HS3ST3A1: variants seen among roughly 807,000 people sequenced by gnomAD.
HS3ST3A1 encodes heparan sulfate glucosamine 3-O-sulfotransferase 3A1.
Under a neutral mutation model 25.7 loss-of-function variants are expected in HS3ST3A1, and 19 were observed. The observed-to-expected ratio is 0.74, with a 90% confidence interval of 0.52 to 1.08. The LOEUF is 1.08. Among genes scored for constraint, HS3ST3A1 ranks in the 50% least tolerant of loss-of-function variants. The probability of loss-of-function intolerance (pLI) is 0.00; values close to 1 mark genes in which losing one functional copy is unlikely to be tolerated. For missense variants in HS3ST3A1, 459 were observed against 594.3 expected, an observed-to-expected ratio of 0.77 and a Z score of 2.37; for synonymous variants, 226 against 278.6, an observed-to-expected ratio of 0.81 and a Z score of 1.88.
rs112456950 is a variant in HS3ST3A1, at chr17:13,566,799, G to GA, written c.599+33731dup. 2.0e-3 allele frequency among the ~76,000 whole-genome samples: 309 copies of GA among 151,008 alleles called. 1 individual carries two copies. The highest frequency in any genetic ancestry group is 1.5e-3 in the South Asian group (7 of 4,788). On this transcript the variant is annotated intron_variant, in intron 1 of 1. Transcript: ENST00000284110. ...AGGCTGAGAAGGTGAGGAAGTTGCA[G>GA]AAAAAAAAAGTGTGAAGTTAGCAGA...
intron 1 of HS3ST3A1, among the ~76,000 whole-genome samples, chr17:13,522,568 C>T (rs977777612): frequency 6.6e-6 from 1 of 152,038 alleles, no homozygotes; most frequent in Non-Finnish European, 1.5e-5. Context: ...TGCAAAGCTG[C>T]CCAATCTTGC....
intron 1 of HS3ST3A1, among the ~76,000 whole-genome samples, chr17:13,518,228 CA>C (rs35615297): frequency 0.13 from 20,053 of 152,128 alleles, 1,377 homozygotes; most frequent in Middle Eastern, 0.16. Context: ...ACAAGCTTCT[CA>C]AAACAGGAAA....
chr17:13,504,075 G>A (rs1905576554), intron 1 of HS3ST3A1, among the ~76,000 whole-genome samples: 1 of 152,046 alleles, frequency 6.6e-6, no homozygotes, highest in Non-Finnish European at 1.5e-5. Context: ...AGCCCTTTGG[G>A]AGGCCGCAGT....
chr17:13,565,637 TC>T (rs2142369014), intron 1 of HS3ST3A1, among the ~76,000 whole-genome samples: 1 of 152,350 alleles, frequency 6.6e-6, no homozygotes, highest in African/African-American at 2.4e-5. Context: ...CTGCTGTTAA[TC>T]CAAGCAACAT....
At chr17:13,503,820 G>C (rs1028982509) in intron 1 of HS3ST3A1, among the ~76,000 whole-genome samples, 2 of 152,200 alleles carry the variant, frequency 1.3e-5, no homozygotes, top group African/African-American at 4.8e-5. Context: ...TACCAAACGA[G>C]CGCATTCACT....
chr17:13,556,449 A>G (rs917536845), intron 1 of HS3ST3A1, among the ~76,000 whole-genome samples: 1 of 151,910 alleles, frequency 6.6e-6, no homozygotes, highest in African/African-American at 2.4e-5. Context: ...CGGAGCTTGC[A>G]GTGAGCCGAG....
chr17:13,596,272 T>C (rs1567633598), intron 1 of HS3ST3A1, among the ~76,000 whole-genome samples: 1 of 152,104 alleles, frequency 6.6e-6, no homozygotes, highest in Non-Finnish European at 1.5e-5. Context: ...ATGATCTCAA[T>C]AGTGTCCCCA....
chr17:13,550,765 TA>T (rs1483927715), intron 1 of HS3ST3A1, among the ~76,000 whole-genome samples: 8 of 152,050 alleles, frequency 5.3e-5, no homozygotes, highest in Non-Finnish European at 1.2e-4. Context: ...CAAGATGCGA[TA>T]TTTTTTAAAA....
At chr17:13,512,143 C>CA (rs1158574652) in intron 1 of HS3ST3A1, among the ~76,000 whole-genome samples, 1 of 151,668 alleles carries the variant, frequency 6.6e-6, no homozygotes, top group Admixed American at 6.6e-5. Context: ...ACTAAAAATA[C>CA]AAAAAATTAG....
intron 1 of HS3ST3A1, among the ~76,000 whole-genome samples, chr17:13,539,019 C>T (rs534515166): frequency 5.9e-5 from 9 of 152,236 alleles, no homozygotes; most frequent in African/African-American, 1.2e-4. Context: ...CTTTAGTTGA[C>T]GGAGAGGTCA....
rs1353124754 is a variant in HS3ST3A1 at position 13,533,884 on chromosome 17, T to C, written c.600-37066A>G. Among the ~76,000 whole-genome samples, 6 of 152,168 alleles carry C rather than the reference T, an allele frequency of 3.9e-5. No homozygotes were observed. The South Asian group carries it at 1.2e-3, about 31-fold the overall frequency. On this transcript the variant is annotated intron_variant, in intron 1 of 1. Coordinates refer to ENST00000284110, the MANE Select transcript of HS3ST3A1 (RefSeq NM_006042.3). The stretch of plus-strand genomic sequence containing the variant: ...AAGGACTGTAAATCCCTGAAGAGCT[T>C]CTCTGAGAGCATTTTCACAGATGTC...
intron 1 of HS3ST3A1, among the ~76,000 whole-genome samples, chr17:13,502,640 A>G (rs1905517544): frequency 6.6e-6 from 1 of 152,092 alleles, no homozygotes; most frequent in Non-Finnish European, 1.5e-5. Flanking sequence ...CCAAAAAACA[A>G]TTACCCTATT....
chr17:13,579,381 G>A (rs1419326522), intron 1 of HS3ST3A1, among the ~76,000 whole-genome samples: 2 of 151,984 alleles, frequency 1.3e-5, no homozygotes, highest in African/African-American at 4.8e-5. Flanking sequence ...CCTTAAAGGG[G>A]TAATGATTAC....
At chr17:13,511,141 G>A (rs1331897630) in intron 1 of HS3ST3A1, among the ~76,000 whole-genome samples, 1 of 152,182 alleles carries the variant, frequency 6.6e-6, no homozygotes, top group Non-Finnish European at 1.5e-5. Context: ...CTGACTTTAA[G>A]TCCCACAATT....
chr17:13,553,355 A>T (rs1441012988), intron 1 of HS3ST3A1, among the ~76,000 whole-genome samples: 3 of 152,148 alleles, frequency 2.0e-5, no homozygotes, highest in Admixed American at 6.5e-5. Flanking sequence ...TGCTTGCAGA[A>T]AGGAGTGGGT....
chr17:13,538,223 G>A (rs181363989), intron 1 of HS3ST3A1, among the ~76,000 whole-genome samples: 1 of 152,292 alleles, frequency 6.6e-6, no homozygotes, highest in Admixed American at 6.5e-5. Context: ...TGGATACTGG[G>A]ATAAACCCTT....
intron 1 of HS3ST3A1, among the ~76,000 whole-genome samples, chr17:13,527,146 C>G (rs76403597): frequency 0.056 from 8,472 of 152,224 alleles, 257 homozygotes; most frequent in African/African-American, 0.08. Flanking sequence ...GGTCCCAGGA[C>G]TGAACCCAGA....
At chr17:13,518,353 C>T (rs898286124) in intron 1 of HS3ST3A1, among the ~76,000 whole-genome samples, 2 of 152,098 alleles carry the variant, frequency 1.3e-5, no homozygotes, top group Admixed American at 6.5e-5. Flanking sequence ...CATCTGTTTC[C>T]AATGGCTTAG....
intron 1 of HS3ST3A1, among the ~76,000 whole-genome samples, chr17:13,550,387 C>T (rs534556728): frequency 5.9e-5 from 9 of 152,176 alleles, no homozygotes; most frequent in Admixed American, 5.2e-4. Context: ...GTAGAGATGA[C>T]GTGCATTGCT....
Sources: allele counts gnomAD v4.1 joint callset (sites outside exome capture counted in the v4.1 genomes callset), GRCh38; gene constraint gnomAD v4.1.1; transcripts MANE v1.5; gene names NCBI Gene and HGNC (gene_info 2026-07-23, HGNC 2026-07-21).